Variants in ZDHHC19 observed in about 807,000 individuals in gnomAD.
ZDHHC19 encodes the protein palmitoyltransferase ZDHHC19.
A neutral mutation model predicts 33.9 loss-of-function variants in ZDHHC19; 30 were observed. The observed-to-expected ratio is 0.88, with a 90% confidence interval of 0.66 to 1.20. The LOEUF (loss-of-function observed/expected upper bound fraction) is 1.20. Ranked by LOEUF, ZDHHC19 falls within the 50% of genes most tolerant of loss-of-function variation. The pLI, the probability that ZDHHC19 is intolerant of heterozygous loss-of-function variation, is 0.00. For synonymous variants in ZDHHC19, 178 were observed against 167.6 expected (o/e 1.06, Z -0.48); for missense variants, 364 against 401.1 (o/e 0.91, Z 0.79).
chr3:196,208,087 T>G (rs971494262), intron 4 of ZDHHC19, among the ~76,000 whole-genome samples: 1 of 151,786 alleles, frequency 6.6e-6, no homozygotes. Flanking sequence ...TATTTTTTTG[T>G]AGAGACGGGG....
intron 4 of ZDHHC19, 124 bp downstream of exon 4, chr3:196,208,264 C>T: frequency 1.8e-6 from 1 of 560,194 alleles, no homozygotes; most frequent in Non-Finnish European, 2.6e-6. Flanking sequence ...CCCACCTCAC[C>T]TCGTCCCAGA....
intron 2 of ZDHHC19, 80 bp from the exon 3 acceptor site, chr3:196,209,595 G>A: frequency 1.3e-6 from 2 of 1,528,174 alleles, no homozygotes; most frequent in Non-Finnish European, 8.8e-7. Context: ...GCATCACAGG[G>A]CACAAGGAAG....
intron 7 of ZDHHC19, among the ~76,000 whole-genome samples, chr3:196,198,047 G>A (rs1024742678): frequency 6.6e-6 from 1 of 152,104 alleles, no homozygotes; most frequent in Non-Finnish European, 1.5e-5. Flanking sequence ...ATGTAGTGGG[G>A]GAGTCATCCT....
intron 5 of ZDHHC19, among the ~76,000 whole-genome samples, chr3:196,205,621 A>G (rs1413869417): frequency 6.6e-6 from 1 of 152,204 alleles, no homozygotes; most frequent in Non-Finnish European, 1.5e-5. Context: ...AAGGATGAGT[A>G]TTACATAGGT....
intron 5 of ZDHHC19, among the ~76,000 whole-genome samples, chr3:196,201,197 C>T (rs555341072): frequency 1.3e-5 from 2 of 151,474 alleles, no homozygotes; most frequent in Non-Finnish European, 2.9e-5. Flanking sequence ...TTCAGCCTCC[C>T]AAGTAGCTGG....
rs376829117 is a variant in ZDHHC19, at chr3:196,198,894, G to A, written c.688-20C>T. On this transcript the variant is annotated intron_variant, in intron 5 of 7. Coordinates refer to ENST00000296326, the MANE Select transcript of ZDHHC19 (RefSeq NM_001039617.2). ...TCTGCACTGGTCGGGGATGGAAACC[G>A]GAAGAGGAGCTCAGAACCAGCAGGA... is the stretch of plus-strand genomic sequence containing the variant. The A allele has an allele frequency of 3.4e-5, 55 of 1,611,168 alleles. No homozygotes were observed. In the African/African-American group the frequency reaches 5.3e-4, roughly 16 times the overall value.
At position 196,200,521 on chromosome 3, in the gene ZDHHC19, A is replaced by AT. The variant is rs1206362886; in HGVS notation, c.688-1648dup. Among the ~76,000 whole-genome samples the AT allele has an allele frequency of 7.0e-3, 1,046 of 149,044 alleles. 27 individuals are homozygous for AT. Among genetic ancestry groups the AT allele is most frequent in the African/African-American group, 0.025 (1,000 of 40,118 alleles). The stretch of plus-strand genomic sequence containing the variant: ...AGGTGCTCGCCACCACGCCCAGCTA[A>AT]TTTTTTGTATTTTTAGTAGAGACGG... On this transcript the variant is annotated intron_variant, in intron 5 of 7. Coordinates refer to ENST00000296326, the MANE Select transcript of ZDHHC19 (RefSeq NM_001039617.2).
intron 5 of ZDHHC19, among the ~76,000 whole-genome samples, chr3:196,202,819 G>C (rs1456823398): frequency 6.6e-6 from 1 of 152,250 alleles, no homozygotes; most frequent in Admixed American, 6.5e-5. Context: ...AAGGGGGAGA[G>C]TGGGGCAAGT....
At chr3:196,200,241 C>T (rs112601513) in intron 5 of ZDHHC19, among the ~76,000 whole-genome samples, 41,006 of 150,252 alleles carry the variant, frequency 0.27, 6,802 homozygotes, top group East Asian at 0.41. Context: ...CGCCACTGCA[C>T]TCCAGCCTGA....
rs1190987558 is a variant in ZDHHC19, at chr3:196,206,684, T to C, written c.687+714A>G. On this transcript the variant is annotated intron_variant, in intron 5 of 7. Coordinates refer to ENST00000296326, the MANE Select transcript of ZDHHC19 (RefSeq NM_001039617.2). ...TTTTTCTTTTCTTTTCTTTTCTTTTTTTTTTTTTTTTTTTGGAGGCAGAGT... is the reference window on the plus strand; with the variant it reads ...TTTTTCTTTTCTTTTCTTTTCTTTTCTTTTTTTTTTTTTTGGAGGCAGAGT... Among the ~76,000 whole-genome samples the C allele has an allele frequency of 1.6e-3, 222 of 137,920 alleles. 1 individual carries two copies. Among genetic ancestry groups the C allele is most frequent in the Admixed American group, 1.4e-3 (20 of 14,068 alleles). 90.5% of individuals were successfully genotyped at this position (137,920 alleles called of 152,430 possible). A position where few individuals can be genotyped will look rare whatever the true frequency, so the allele number is the denominator to read the frequency against.
In ZDHHC19 at chr3:196,208,475, C is replaced by T. The variant is rs75505676; in HGVS notation, c.494G>A (p.Cys165Tyr). The T allele has an allele frequency of 6.9e-4, 1,109 of 1,614,174 alleles. 11 individuals carry two copies. In the African/African-American group the frequency reaches 0.013, roughly 20 times the overall value. Residue 165 changes from cysteine to tyrosine, a missense_variant, in exon 4 of 8, where the codon TGC becomes TAC. Cys to Tyr is a radical substitution (Grantham distance 194, BLOSUM62 -2). Coordinates refer to ENST00000296326, the MANE Select transcript of ZDHHC19 (RefSeq NM_001039617.2). ...RFFMLLVLSL[C>Y]LYSGAMLVTC... is the part of the protein sequence containing the mutation. Reference sequence around the variant, plus strand: ...GACCAGCATGGCGCCCGAGTAGAGGCACAGGGACAGGACAAGCAGCATGAA... The same window carrying T: ...GACCAGCATGGCGCCCGAGTAGAGGTACAGGGACAGGACAAGCAGCATGAA...
intron 5 of ZDHHC19, 47 bp downstream of exon 5, chr3:196,207,351 C>T (rs1367105017): frequency 6.7e-7 from 1 of 1,502,780 alleles, no homozygotes; most frequent in East Asian, 2.6e-5. Flanking sequence ...GCGCGGGAAG[C>T]GCGGAGGTCC....
At chr3:196,208,258 C>G (rs1371343881) in intron 4 of ZDHHC19, 130 bp downstream of exon 4, 1 of 453,654 alleles carries the variant, frequency 2.2e-6, no homozygotes, top group Non-Finnish European at 3.4e-6. Context: ...ACCCCGCCCA[C>G]CTCACCTCGT....
intron 2 of ZDHHC19, among the ~76,000 whole-genome samples, chr3:196,210,346 G>GAGAA (rs10690373): frequency 0.37 from 28,799 of 77,656 alleles, 4,369 homozygotes; most frequent in East Asian, 0.62. Flanking sequence ...AGAAAGAAAA[G>GAGAA]AGAAAGAAAG....
rs1168107890 is a variant in ZDHHC19 at position 196,210,374 on chromosome 3, A to AGG, written c.268+241_268+242insCC. Among the ~76,000 whole-genome samples, 824 of 105,250 alleles carry AGG rather than the reference A, an allele frequency of 7.8e-3. 25 individuals are homozygous for AGG. Among genetic ancestry groups the AGG allele is most frequent in the African/African-American group, 0.023 (788 of 33,742 alleles). The allele number at this position is 105,250 out of a possible 152,430, so 69.0% of individuals were successfully genotyped here. Reference sequence around the variant, plus strand: ...AAAGAAAGAAAGAAGGAAGGAAGGAAAGAGAGAGGAAGGAAGGAAAGAAAG... The same window carrying AGG: ...AAAGAAAGAAAGAAGGAAGGAAGGAAGGAGAGAGAGGAAGGAAGGAAAGAAAG... On this transcript the variant is annotated intron_variant, in intron 2 of 7. Transcript: ENST00000296326.
At chr3:196,210,532 G>C in intron 2 of ZDHHC19, 84 bp downstream of exon 2, 1 of 1,586,752 alleles carries the variant, frequency 6.3e-7, no homozygotes, top group Non-Finnish European at 8.6e-7. Flanking sequence ...AGGAGGGTCA[G>C]TAGGAAGAGC....
chr3:196,200,315 T>C (rs1020609578), intron 5 of ZDHHC19, among the ~76,000 whole-genome samples: 1 of 142,036 alleles, frequency 7.0e-6, no homozygotes, highest in Non-Finnish European at 1.5e-5. Flanking sequence ...TGACAGAATT[T>C]TAAAATTTAG....
At chr3:196,208,650 C>CT in intron 3 of ZDHHC19, 90 bp from the exon 4 acceptor site, 1 of 1,456,180 alleles carries the variant, frequency 6.9e-7, no homozygotes, top group Middle Eastern at 2.0e-4. Flanking sequence ...CCCCTGCCTT[C>CT]TAGGCCACCT....
chr3:196,198,325 T>C lies in ZDHHC19; in HGVS notation c.900A>G (p.Gln300=), dbSNP rs1013464396. ...ACGCCCCGGGGGTCCCTTCCCTGCTTTGTAGGGACCCAGAGGTTGGGGCTG... is the reference window on the plus strand; with the variant it reads ...ACGCCCCGGGGGTCCCTTCCCTGCTCTGTAGGGACCCAGAGGTTGGGGCTG... ...NPPAPTSGSL[Q]SREGTPGAW is the part of the protein sequence containing the mutation. Residue 300 remains glutamine (Q), a synonymous_variant, in exon 7 of 8, where the codon CAA becomes CAG. Transcript: ENST00000296326. 4.0e-6 allele frequency: 6 copies of C among 1,510,920 alleles called. 1 individual carries two copies. In the African/African-American group the frequency reaches 7.0e-5, roughly 18 times the overall value. The allele number at this position is 1,510,920 out of a possible 1,614,324, so 93.6% of individuals were successfully genotyped here.
Sources: gnomAD v4.1 joint callset for allele counts (sites outside exome capture counted in the v4.1 genomes callset) on GRCh38, gnomAD v4.1.1 for gene constraint, MANE v1.5 for transcripts, NCBI Gene and HGNC (gene_info 2026-07-23, HGNC 2026-07-21) for gene names.